Variants in MGAT4C observed in about 807,000 individuals in gnomAD.
MGAT4C encodes the protein alpha-1,3-mannosyl-glycoprotein 4-beta-N-acetylglucosaminyltransferase C.
Under a neutral mutation model 40.1 loss-of-function variants are expected in MGAT4C, and 19 were observed. The ratio of observed to expected loss-of-function variants is 0.47; its 90% confidence interval spans 0.33 to 0.70. The LOEUF (loss-of-function observed/expected upper bound fraction) is 0.70, where lower values mean the gene tolerates loss of function less well. Ranked by LOEUF, MGAT4C falls within the 30% of genes least tolerant of loss-of-function variation. MGAT4C has a pLI of 0.02. For missense variants in MGAT4C, 491 were observed against 563.2 expected (o/e 0.87, Z 1.30); for synonymous variants, 181 against 187.1 (o/e 0.97, Z 0.27).
Position 86,209,272 on chromosome 12 carries a change from A to G in MGAT4C, c.-57+46967T>C, listed in dbSNP as rs118065199. The stretch of plus-strand genomic sequence containing the variant: ...TTTGCAAGAATTATATAATTAAAGA[A>G]TTACATTGTGTTAAAGTTGGATACT... On this transcript the variant is annotated intron_variant, in intron 1 of 4. Transcript: ENST00000611864. Among the ~76,000 whole-genome samples the G allele has an allele frequency of 2.0e-3, 300 of 152,218 alleles. 1 individual carries two copies. The highest frequency in any genetic ancestry group is 3.3e-3 in the Non-Finnish European group (226 of 67,962).
In MGAT4C at chr12:86,032,779, T is replaced by C. The variant is rs761721073; in HGVS notation, c.-7+16895A>G. On this transcript the variant is annotated intron_variant, in intron 2 of 4. Transcript: ENST00000611864. Reference sequence around the variant, plus strand: ...AGCTTTTCAGTTTAATTAGGTCCCATTTGTCAATTTTTGTTTTTGTTGCAA... The same window carrying C: ...AGCTTTTCAGTTTAATTAGGTCCCACTTGTCAATTTTTGTTTTTGTTGCAA... Among the ~76,000 whole-genome samples, 3 of 149,916 alleles carry C rather than the reference T, an allele frequency of 2.0e-5. 1 individual carries two copies. The highest frequency in any genetic ancestry group is 4.5e-5 in the Non-Finnish European group (3 of 66,832).
At chr12:86,526,711 G>C (rs920553426) in intron 2 of MGAT4C, among the ~76,000 whole-genome samples, 2 of 152,192 alleles carry the variant, frequency 1.3e-5, no homozygotes, top group East Asian at 3.9e-4. Flanking sequence ...TCCTAAGAGA[G>C]CAAGTTAAGC....
At chr12:86,371,455 C>G (rs966161735) in intron 3 of MGAT4C, among the ~76,000 whole-genome samples, 6 of 152,004 alleles carry the variant, frequency 3.9e-5, no homozygotes, top group Non-Finnish European at 8.8e-5. Context: ...TGAAAGTGTT[C>G]AGCAATTTTC....
chr12:86,439,770 C>A (rs1253245161), intron 2 of MGAT4C, among the ~76,000 whole-genome samples: 1 of 151,752 alleles, frequency 6.6e-6, no homozygotes, highest in Non-Finnish European at 1.5e-5. Context: ...CAAATAAACT[C>A]AATTAGAAAT....
chr12:86,344,013 T>C (rs1954961778), intron 3 of MGAT4C, among the ~76,000 whole-genome samples: 1 of 152,288 alleles, frequency 6.6e-6, no homozygotes, highest in South Asian at 2.1e-4. Context: ...ATTCTACCTT[T>C]GTTTAACTTT....
intron 2 of MGAT4C, among the ~76,000 whole-genome samples, chr12:86,638,178 A>G (rs1963277210): frequency 6.6e-6 from 1 of 151,942 alleles, no homozygotes; most frequent in Non-Finnish European, 1.5e-5. Flanking sequence ...CTCTAAGGGA[A>G]CTAGAACTGT....
At chr12:86,489,069 A>T (rs1434745749) in intron 2 of MGAT4C, among the ~76,000 whole-genome samples, 2 of 152,106 alleles carry the variant, frequency 1.3e-5, no homozygotes, top group Admixed American at 6.6e-5. Context: ...TGCCTTTTCC[A>T]AAACTACCTA....
At chr12:86,411,719 T>C (rs1200236198) in intron 3 of MGAT4C, among the ~76,000 whole-genome samples, 1 of 152,224 alleles carries the variant, frequency 6.6e-6, no homozygotes, top group African/African-American at 2.4e-5. Flanking sequence ...TAAAATTGGC[T>C]GCAGAAATCT....
At chr12:86,259,746 T>A (rs1286203800), upstream of MGAT4C, among the ~76,000 whole-genome samples, 1 of 150,652 alleles carries the variant, frequency 6.6e-6, no homozygotes, top group Admixed American at 6.7e-5. Context: ...AAACACTCTA[T>A]AGACATCAAT....
intron 2 of MGAT4C, among the ~76,000 whole-genome samples, chr12:86,042,068 G>A (rs550495109): frequency 3.3e-5 from 5 of 152,222 alleles, no homozygotes; most frequent in African/African-American, 9.6e-5. Context: ...TATGTAATAC[G>A]CTTCTTTGTC....
intron 1 of MGAT4C, among the ~76,000 whole-genome samples, chr12:86,113,261 T>C (rs1877775168): frequency 6.6e-6 from 1 of 151,804 alleles, no homozygotes; most frequent in African/African-American, 2.4e-5. Flanking sequence ...GAAAAAAATG[T>C]CAAGAACAAA....
intron 1 of MGAT4C, among the ~76,000 whole-genome samples, chr12:86,820,448 G>T: frequency 6.6e-6 from 1 of 150,868 alleles, no homozygotes; most frequent in South Asian, 2.1e-4. Flanking sequence ...TGACTTATGA[G>T]ACTTAGTTTA....
intron 3 of MGAT4C, among the ~76,000 whole-genome samples, chr12:86,412,677 G>T (rs1193766003): frequency 6.6e-6 from 1 of 152,164 alleles, no homozygotes; most frequent in Non-Finnish European, 1.5e-5. Flanking sequence ...AGACTTCTGA[G>T]TTAATGCTGA....
At position 86,051,950 on chromosome 12, in the gene MGAT4C, CAA is replaced by C. The variant is rs370742940; in HGVS notation, c.-56-2229_-56-2228del. Among the ~76,000 whole-genome samples the C allele has an allele frequency of 3.4e-4, 51 of 151,514 alleles. No homozygotes were observed. The East Asian group carries it at 6.4e-3, about 19-fold the overall frequency. On this transcript the variant is annotated intron_variant, in intron 1 of 4. Coordinates refer to ENST00000611864, the MANE Select transcript of MGAT4C (RefSeq NM_001351288.2). ...ATAATTGTGCTAGCATAAAATATTTCAAAGAGTTTTTAAAACAATTGGAGATA... is the reference window on the plus strand; with the variant it reads ...ATAATTGTGCTAGCATAAAATATTTCAGAGTTTTTAAAACAATTGGAGATA...
chr12:86,611,488 A>G (rs1010086271), intron 2 of MGAT4C, among the ~76,000 whole-genome samples: 4 of 151,936 alleles, frequency 2.6e-5, no homozygotes, highest in African/African-American at 9.7e-5. Flanking sequence ...ATAGATAGAT[A>G]GATAGATAGA....
At chr12:86,027,310 T>A (rs1890329683) in intron 2 of MGAT4C, among the ~76,000 whole-genome samples, 2 of 151,902 alleles carry the variant, frequency 1.3e-5, no homozygotes, top group African/African-American at 4.8e-5. Flanking sequence ...AGTTAAAATA[T>A]CCTAGCATAA....
At chr12:86,440,017 T>C (rs1957200216) in intron 2 of MGAT4C, among the ~76,000 whole-genome samples, 1 of 151,916 alleles carries the variant, frequency 6.6e-6, no homozygotes, top group South Asian at 2.1e-4. Context: ...CAGGGTCAGA[T>C]GGCTTCACAG....
chr12:86,808,855 G>A (rs1481644868), intron 1 of MGAT4C, among the ~76,000 whole-genome samples: 1 of 152,008 alleles, frequency 6.6e-6, no homozygotes, highest in African/African-American at 2.4e-5. Flanking sequence ...TTTGTATACA[G>A]ATACTGTGAT....
chr12:86,659,704 C>A (rs1411135740), intron 2 of MGAT4C, among the ~76,000 whole-genome samples: 1 of 152,022 alleles, frequency 6.6e-6, no homozygotes, highest in Non-Finnish European at 1.5e-5. Flanking sequence ...TTTTCCCCAT[C>A]CATGGCTGAC....
Sources: gnomAD v4.1 joint callset for allele counts (sites outside exome capture counted in the v4.1 genomes callset) on GRCh38, gnomAD v4.1.1 for gene constraint, MANE v1.5 for transcripts, NCBI Gene and HGNC (gene_info 2026-07-23, HGNC 2026-07-21) for gene names.